TAFA1: variants seen among roughly 807,000 people sequenced by gnomAD.
The protein encoded by TAFA1 is chemokine-like protein TAFA-1.
In TAFA1, 4 loss-of-function variants were observed where a neutral mutation model predicts 18.5. The observed-to-expected ratio is 0.22, with a 90% CI of 0.11 to 0.49. The LOEUF is 0.49. Ranked by LOEUF, TAFA1 falls within the 20% of genes least tolerant of loss-of-function variation. TAFA1 has a pLI of 0.98. For synonymous variants in TAFA1, 56 were observed against 55.2 expected (o/e 1.01, Z -0.06); for missense variants, 147 against 169.0 (o/e 0.87, Z 0.72).
At chr3:68,039,602 G>A (rs1375471009) in intron 2 of TAFA1, among the ~76,000 whole-genome samples, 2 of 152,136 alleles carry the variant, frequency 1.3e-5, no homozygotes, top group East Asian at 1.9e-4. Context: ...TCCTATGATA[G>A]ACAATCTCTT....
rs540536827 is a variant in TAFA1 at position 68,520,990 on chromosome 3, G to C, written c.260-17766G>C. Among the ~76,000 whole-genome samples, 33 of 152,280 alleles carry C rather than the reference G, an allele frequency of 2.2e-4. 1 individual carries two copies. The East Asian group carries it at 6.2e-3, about 29-fold the overall frequency. ...TGTGTTAGGTGGCAAGTAGCAGAAT[G>C]CCCAACTGAAGCAGCTTTGACAATA... On this transcript the variant is annotated intron_variant, in intron 3 of 4. Coordinates refer to ENST00000478136, the MANE Select transcript of TAFA1 (RefSeq NM_213609.4).
intron 2 of TAFA1, among the ~76,000 whole-genome samples, chr3:68,282,967 T>G (rs569382574): frequency 6.6e-6 from 1 of 152,248 alleles, no homozygotes; most frequent in East Asian, 1.9e-4. Context: ...TATCTTAAAT[T>G]TCTCTGAAAC....
chr3:68,399,535 C>G (rs1356926127), intron 2 of TAFA1, among the ~76,000 whole-genome samples: 3 of 152,066 alleles, frequency 2.0e-5, no homozygotes, highest in African/African-American at 7.2e-5. Flanking sequence ...AATTGATTCC[C>G]TTTCCCAATT....
At chr3:68,028,545 C>G (rs1704865474) in intron 2 of TAFA1, among the ~76,000 whole-genome samples, 1 of 152,062 alleles carries the variant, frequency 6.6e-6, no homozygotes, top group Non-Finnish European at 1.5e-5. Flanking sequence ...AAGTCCCAGA[C>G]ATGAAATCAA....
At chr3:68,517,026 G>A (rs2072932244) in intron 3 of TAFA1, among the ~76,000 whole-genome samples, 1 of 152,018 alleles carries the variant, frequency 6.6e-6, no homozygotes, top group East Asian at 1.9e-4. Context: ...CGCCCACCTC[G>A]GCCTCCCAAA....
Position 68,006,744 on chromosome 3 carries a change from G to A in TAFA1, c.118G>A (p.Glu40Lys). The change falls in exon 2 of 5, where the codon GAA becomes AAA. Residue 40 changes from glutamate (E) to lysine (K), a missense_variant and splice_region_variant. Glu to Lys is a moderately conservative substitution (Grantham distance 56, BLOSUM62 1). Transcript: ENST00000478136. ...CCAGCAGCATCACCTGCACAGACCA[G>A]GTAAGTCAGGAGCTGGCTCCACTGC... ...TFQQHHLHRP[E>K]GGTCEVIAAH... The A allele has an allele frequency of 3.7e-6, 6 of 1,609,698 alleles. No individual in the cohort carries two copies. The highest frequency in any genetic ancestry group is 5.1e-6 in the Non-Finnish European group (6 of 1,175,950).
intron 2 of TAFA1, among the ~76,000 whole-genome samples, chr3:68,272,005 G>A (rs1343922452): frequency 6.6e-6 from 1 of 152,062 alleles, no homozygotes; most frequent in Non-Finnish European, 1.5e-5. Flanking sequence ...AGATGCTCAG[G>A]GGGAAATTCT....
intron 2 of TAFA1, among the ~76,000 whole-genome samples, chr3:68,287,907 T>TGGGG (rs35069967): frequency 6.0e-4 from 31 of 51,928 alleles, no homozygotes; most frequent in Non-Finnish European, 1.0e-3. Context: ...TTGTTTTTGT[T>TGGGG]GGGGGGTGGG....
intron 4 of TAFA1, among the ~76,000 whole-genome samples, chr3:68,540,388 T>A (rs2073352400): frequency 6.6e-6 from 1 of 152,176 alleles, no homozygotes. Context: ...GAAATAAGCC[T>A]GGTTCATGCA....
chr3:68,332,090 C>T (rs182814293), intron 2 of TAFA1, among the ~76,000 whole-genome samples: 11 of 151,678 alleles, frequency 7.3e-5, no homozygotes, highest in Admixed American at 7.2e-4. Context: ...GTCTCGATCT[C>T]CTGACCTCGT....
chr3:68,398,714 AC>A (rs1338671768), intron 2 of TAFA1, among the ~76,000 whole-genome samples: 1 of 152,164 alleles, frequency 6.6e-6, no homozygotes, highest in African/African-American at 2.4e-5. Context: ...ACGAACATTA[AC>A]TTACGTAAAT....
intron 2 of TAFA1, among the ~76,000 whole-genome samples, chr3:68,098,729 G>T (rs538420707): frequency 1.3e-5 from 2 of 152,162 alleles, no homozygotes; most frequent in East Asian, 3.9e-4. Flanking sequence ...GAACAAGGAG[G>T]TATCACATTA....
chr3:68,024,108 G>A (rs1704759650), intron 2 of TAFA1, among the ~76,000 whole-genome samples: 1 of 152,178 alleles, frequency 6.6e-6, no homozygotes, highest in African/African-American at 2.4e-5. Context: ...GGCATATTCA[G>A]TAAGTAGGTG....
At chr3:68,482,017 GT>G (rs754430008) in intron 3 of TAFA1, among the ~76,000 whole-genome samples, 1 of 151,826 alleles carries the variant, frequency 6.6e-6, no homozygotes, top group African/African-American at 2.4e-5. Flanking sequence ...TCTTTTTTTT[GT>G]TTTGTTTTCT....
intron 2 of TAFA1, among the ~76,000 whole-genome samples, chr3:68,113,472 T>G (rs1444818465): frequency 6.6e-6 from 1 of 152,084 alleles, no homozygotes; most frequent in Non-Finnish European, 1.5e-5. Flanking sequence ...GAAAATAAAA[T>G]ATGGGAGAAT....
At chr3:68,200,917 T>C (rs1355123892) in intron 2 of TAFA1, among the ~76,000 whole-genome samples, 2 of 151,606 alleles carry the variant, frequency 1.3e-5, no homozygotes, top group Non-Finnish European at 3.0e-5. Flanking sequence ...TTTGCTCTCC[T>C]TTTTCTCATT....
intron 2 of TAFA1, among the ~76,000 whole-genome samples, chr3:68,034,815 G>A (rs571076065): frequency 1.2e-3 from 177 of 152,266 alleles, no homozygotes; most frequent in African/African-American, 4.1e-3. Flanking sequence ...GGCTGGACAC[G>A]TGCTGGCAAA....
At chr3:68,202,772 A>G (rs950168360) in intron 2 of TAFA1, among the ~76,000 whole-genome samples, 1 of 151,756 alleles carries the variant, frequency 6.6e-6, no homozygotes, top group African/African-American at 2.4e-5. Context: ...GATATCCTAT[A>G]TATGGTAATA....
chr3:68,158,569 G>A (rs1227715383), intron 2 of TAFA1, among the ~76,000 whole-genome samples: 2 of 151,836 alleles, frequency 1.3e-5, no homozygotes, highest in African/African-American at 2.4e-5. Context: ...AGTTTTCAGG[G>A]TTAGGAAACA....
Sources: gnomAD v4.1 joint callset for allele counts (sites outside exome capture counted in the v4.1 genomes callset) on GRCh38, gnomAD v4.1.1 for gene constraint, MANE v1.5 for transcripts, NCBI Gene and HGNC (gene_info 2026-07-23, HGNC 2026-07-21) for gene names.